The following RIMS4 variants were observed in gnomAD, a reference collection of about 807,000 sequenced individuals.
RIMS4 encodes the protein regulating synaptic membrane exocytosis protein 4.
RIMS4 carries 9 observed loss-of-function variants against 29.0 expected under a neutral mutation model. The ratio of observed to expected loss-of-function variants is 0.31; its 90% CI spans 0.19 to 0.54. The LOEUF (loss-of-function observed/expected upper bound fraction) is 0.54. Among genes scored for constraint, RIMS4 ranks in the 20% least tolerant of loss-of-function variants. RIMS4 has a pLI of 0.94. For missense variants in RIMS4, 193 were observed against 365.7 expected, an observed-to-expected ratio of 0.53 and a Z score of 3.85; for synonymous variants, 130 against 152.9, an observed-to-expected ratio of 0.85 and a Z score of 1.10.
At chr20:44,765,233 T>C (rs2145449302) in intron 2 of RIMS4, among the ~76,000 whole-genome samples, 1 of 152,224 alleles carries the variant, frequency 6.6e-6, no homozygotes, top group East Asian at 1.9e-4. Flanking sequence ...ACTGTCTCTA[T>C]TTGCCCTGAG....
rs2066318291 is a variant in RIMS4 at position 44,810,198 on chromosome 20, T to G, written c.74A>C (p.Asn25Thr). 13 of 1,588,074 alleles carry G rather than the reference T, an allele frequency of 8.2e-6. No homozygotes were observed. Among genetic ancestry groups the G allele is most frequent in the Non-Finnish European group, 1.0e-5 (12 of 1,166,114 alleles). Residue 25 changes from asparagine to threonine, a missense_variant, in exon 1 of 6, where the codon AAC becomes ACC. Asn to Thr is a moderately conservative substitution (Grantham distance 65, BLOSUM62 0). Coordinates refer to ENST00000372851, the MANE Select transcript of RIMS4 (RefSeq NM_182970.4). ...EALAIYFPCMNSFDDEDAGDS... is the reference protein window; with the variant it reads ...EALAIYFPCMTSFDDEDAGDS... ...ACCTGCGTCCTCGTCGTCGAAGGAG[T>G]TCATGCACGGGAAGTAGATGGCGAG...
intron 1 of RIMS4, among the ~76,000 whole-genome samples, chr20:44,786,802 T>C (rs865836371): frequency 2.6e-5 from 4 of 152,218 alleles, no homozygotes; most frequent in African/African-American, 9.6e-5. Flanking sequence ...AGAGACATCA[T>C]GTGAAGTTTG....
At chr20:44,768,705 C>G (rs1186613482) in intron 2 of RIMS4, among the ~76,000 whole-genome samples, 1 of 152,206 alleles carries the variant, frequency 6.6e-6, no homozygotes, top group Admixed American at 6.5e-5. Context: ...CCACCTGATA[C>G]CTCCTCAGTT....
chr20:44,792,584 G>C (rs1325622596), intron 1 of RIMS4, among the ~76,000 whole-genome samples: 1 of 152,132 alleles, frequency 6.6e-6, no homozygotes, highest in African/African-American at 2.4e-5. Context: ...GAGCCACCGT[G>C]CCCGGCCTGA....
At chr20:44,791,322 G>A (rs2066231532) in intron 1 of RIMS4, among the ~76,000 whole-genome samples, 1 of 152,212 alleles carries the variant, frequency 6.6e-6, no homozygotes, top group Admixed American at 6.5e-5. Context: ...GGTGCACATA[G>A]CATATACGGT....
At chr20:44,771,997 A>T (rs184917584) in intron 1 of RIMS4, among the ~76,000 whole-genome samples, 4 of 152,266 alleles carry the variant, frequency 2.6e-5, no homozygotes, top group Non-Finnish European at 5.9e-5. Flanking sequence ...TTGATTGAGG[A>T]CTACTCGCAC....
chr20:44,802,142 T>G (rs2066279891), intron 1 of RIMS4, among the ~76,000 whole-genome samples: 2 of 152,142 alleles, frequency 1.3e-5, no homozygotes. Context: ...CCATTTAAAC[T>G]GACAACAGCC....
At chr20:44,771,482 C>T (rs1470422648) in intron 1 of RIMS4, 69 bp from the exon 2 acceptor site, 4 of 1,537,814 alleles carry the variant, frequency 2.6e-6, no homozygotes, top group Non-Finnish European at 3.5e-6. Flanking sequence ...AGAGAAGAGT[C>T]ATCTGGTTAG....
intron 2 of RIMS4, among the ~76,000 whole-genome samples, chr20:44,768,703 T>C (rs1380205463): frequency 6.6e-6 from 1 of 152,166 alleles, no homozygotes; most frequent in African/African-American, 2.4e-5. Flanking sequence ...ACCCACCTGA[T>C]ACCTCCTCAG....
chr20:44,774,848 G>A (rs1014037067), intron 1 of RIMS4, among the ~76,000 whole-genome samples: 2 of 151,894 alleles, frequency 1.3e-5, no homozygotes, highest in Non-Finnish European at 2.9e-5. Flanking sequence ...TGGGCCTTGC[G>A]TCTGCTGCCT....
rs970873846 is a variant in RIMS4 at position 44,758,214 on chromosome 20, A to T, written c.237-30T>A. On this transcript the variant is annotated intron_variant, in intron 2 of 5. Coordinates refer to ENST00000372851, the MANE Select transcript of RIMS4 (RefSeq NM_182970.4). ...AAGAGGAAAAGGTGAGACAAAGCAC[A>T]CATTCCCAGTGGTTTACCAACAACT... is the stretch of plus-strand genomic sequence containing the variant. 4.6e-6 allele frequency: 7 copies of T among 1,511,924 alleles called. No homozygotes were observed. In the African/African-American group the frequency reaches 9.6e-5, roughly 21 times the overall value. 93.7% of individuals were successfully genotyped at this position (1,511,924 alleles called of 1,614,324 possible).
rs1274948054 is a variant in RIMS4 at position 44,753,720 on chromosome 20, A to G, written c.*2414T>C. The G allele has an allele frequency of 6.6e-6, 1 of 152,460 alleles. No homozygotes were observed. The highest frequency in any genetic ancestry group is 2.4e-5 in the African/African-American group (1 of 41,412). The allele number at this position is 152,460 out of a possible 1,614,324, so 9.4% of individuals were successfully genotyped here. Reference sequence around the variant, plus strand: ...GGACAGACCGTAGTTCCCACACCCAATGGTCACAGCCCCTGGGAAGGGGCA... The same window carrying G: ...GGACAGACCGTAGTTCCCACACCCAGTGGTCACAGCCCCTGGGAAGGGGCA... On this transcript the variant is annotated 3_prime_UTR_variant, in exon 6 of 6. Coordinates refer to ENST00000372851, the MANE Select transcript of RIMS4 (RefSeq NM_182970.4).
chr20:44,773,651 G>A (rs1025282184), intron 1 of RIMS4, among the ~76,000 whole-genome samples: 1 of 152,102 alleles, frequency 6.6e-6, no homozygotes, highest in Non-Finnish European at 1.5e-5. Flanking sequence ...CATTTCTCCC[G>A]GAAGAGGGAG....
intron 1 of RIMS4, among the ~76,000 whole-genome samples, chr20:44,794,398 G>A (rs891710920): frequency 4.6e-5 from 7 of 152,172 alleles, no homozygotes; most frequent in South Asian, 2.1e-4. Flanking sequence ...GGTTGAGTTC[G>A]TCAACCATTC....
intron 1 of RIMS4, among the ~76,000 whole-genome samples, chr20:44,799,797 T>C (rs1007792666): frequency 3.3e-5 from 5 of 152,210 alleles, no homozygotes; most frequent in African/African-American, 7.2e-5. Flanking sequence ...ACAGACCTCC[T>C]GTGAGGCTTC....
At position 44,756,475 on chromosome 20, in the gene RIMS4, G is replaced by T; in HGVS notation, c.592-123C>A. 1 of 750,206 alleles carries T rather than the reference G, an allele frequency of 1.3e-6. No homozygotes were observed. Among genetic ancestry groups the T allele is most frequent in the Non-Finnish European group, 2.2e-6 (1 of 453,332 alleles). The allele number at this position is 750,206 out of a possible 1,614,324, so 46.5% of individuals were successfully genotyped here. ...CTGTGATTTCTACCTCCTTAAAACTGCAATTCCTCAACAGGCCTTTCTTAT... is the reference window on the plus strand; with the variant it reads ...CTGTGATTTCTACCTCCTTAAAACTTCAATTCCTCAACAGGCCTTTCTTAT... On this transcript the variant is annotated intron_variant, in intron 5 of 5. Transcript: ENST00000372851. This position sits in a 1 kb window ranked among gnomAD's most constrained non-coding sequence, Gnocchi z 5.9.
intron 3 of RIMS4, 76 bp downstream of exon 3, chr20:44,757,996 G>A: frequency 8.7e-7 from 1 of 1,144,384 alleles, no homozygotes; most frequent in Non-Finnish European, 1.3e-6. Context: ...CAAAGGGGAA[G>A]GAGGGAGAGA....
At chr20:44,798,273 G>C (rs758772898) in intron 1 of RIMS4, among the ~76,000 whole-genome samples, 8 of 152,322 alleles carry the variant, frequency 5.3e-5, no homozygotes, top group African/African-American at 7.2e-5. Context: ...ATTAAATACA[G>C]TACAGAATGC....
At position 44,771,333 on chromosome 20, in the gene RIMS4, G is replaced by A. The variant is rs1303705721; in HGVS notation, c.178C>T (p.Arg60Cys). The A allele has an allele frequency of 5.6e-6, 9 of 1,613,710 alleles. No homozygotes were observed. The highest frequency in any genetic ancestry group is 5.5e-5 in the South Asian group (5 of 91,070). ...TCAATGGACTCGTGGCTGGCCTGGCGCAGTGTCCGGCTGGGCATCTCCACT... is the reference window on the plus strand; with the variant it reads ...TCAATGGACTCGTGGCTGGCCTGGCACAGTGTCCGGCTGGGCATCTCCACT... ...LAVEMPSRTLRQASHESIEDS... is the reference protein window; with the variant it reads ...LAVEMPSRTLCQASHESIEDS... Residue 60 changes from arginine (R) to cysteine (C), a missense_variant, in exon 2 of 6, where the codon CGC becomes TGC. Coordinates refer to ENST00000372851, the MANE Select transcript of RIMS4 (RefSeq NM_182970.4).
Sources: gnomAD v4.1 joint callset for allele counts (sites outside exome capture counted in the v4.1 genomes callset) on GRCh38, gnomAD v4.1.1 for gene constraint, Gnocchi (gnomAD v3.1) non-coding constraint, MANE v1.5 for transcripts, NCBI Gene and HGNC (gene_info 2026-07-23, HGNC 2026-07-21) for gene names.